GREM1: variants seen among roughly 807,000 people sequenced by gnomAD.
GREM1 encodes the protein gremlin-1.
In GREM1, 6 loss-of-function variants were observed where a neutral mutation model predicts 13.1. The observed-to-expected ratio is 0.46, with a 90% CI of 0.25 to 0.91. The LOEUF is 0.91. Among genes scored for constraint, GREM1 ranks in the 40% least tolerant of loss-of-function variants. The pLI, the probability that GREM1 is intolerant of heterozygous loss-of-function variation, is 0.18. For synonymous variants in GREM1, 98 were observed against 93.7 expected, an observed-to-expected ratio of 1.05 and a Z score of -0.27; for missense variants, 185 against 233.9, an observed-to-expected ratio of 0.79 and a Z score of 1.36.
rs568838511 is a variant in GREM1 at position 32,736,534 on chromosome 15, A to C, written c.*5289A>C. On this transcript the variant is annotated 3_prime_UTR_variant, in exon 2 of 2. Coordinates refer to ENST00000651154, the MANE Select transcript of GREM1 (RefSeq NM_013372.7). ...TAAGTAAAGGGAATGCAGAGTTGTC[A>C]ATTGCATGGCGGAGTGTTGAGTGTG... is the stretch of plus-strand genomic sequence containing the variant. 6.6e-6 allele frequency: 1 copy of C among 152,240 alleles called. No individual in the cohort carries two copies. Among genetic ancestry groups the C allele is most frequent in the African/African-American group, 2.4e-5 (1 of 41,538 alleles). 9.4% of individuals were successfully genotyped at this position (152,240 alleles called of 1,614,324 possible). A position where few individuals can be genotyped will look rare whatever the true frequency, so the allele number is the denominator to read the frequency against.
At position 32,741,383 on chromosome 15, in the gene GREM1, T is replaced by A. The variant is rs756458601; in HGVS notation, c.*10138T>A. The A allele has an allele frequency of 7.9e-5, 12 of 151,956 alleles. No homozygotes were observed. The highest frequency in any genetic ancestry group is 1.3e-4 in the Non-Finnish European group (9 of 67,966). 9.4% of individuals were successfully genotyped at this position (151,956 alleles called of 1,614,324 possible). A position where few individuals can be genotyped will look rare whatever the true frequency, so the allele number is the denominator to read the frequency against. ...CAGATCAAAGTACTGTAGTCTTCAG[T>A]ATGCAGACCTTTCACTTTCTTAGTT... On this transcript the variant is annotated 3_prime_UTR_variant, in exon 2 of 2. Transcript: ENST00000651154.
Position 32,718,158 on chromosome 15 carries a change from A to C in GREM1, c.-5A>C. 3 of 1,329,888 alleles carry C rather than the reference A, an allele frequency of 2.3e-6. No homozygotes were observed. Among genetic ancestry groups the C allele is most frequent in the Non-Finnish European group, 3.0e-6 (3 of 1,012,152 alleles). 82.4% of individuals were successfully genotyped at this position (1,329,888 alleles called of 1,614,324 possible). A position where few individuals can be genotyped will look rare whatever the true frequency, so the allele number is the denominator to read the frequency against. ...CAGGCCCCGAGGACCCGCCGCACTG[A>C]CAGGTGAGCGCGGACGCACCCGGCA... On this transcript the variant is annotated 5_prime_UTR_variant, in exon 1 of 2. Coordinates refer to ENST00000651154, the MANE Select transcript of GREM1 (RefSeq NM_013372.7).
chr15:32,727,744 A>G (rs903287336), intron 1 of GREM1, among the ~76,000 whole-genome samples: 12 of 152,210 alleles, frequency 7.9e-5, no homozygotes, highest in Non-Finnish European at 1.5e-5. Context: ...AGAAAACCCC[A>G]TCATCTCAGC....
At chr15:32,728,990 A>C (rs1230584124) in intron 1 of GREM1, among the ~76,000 whole-genome samples, 1 of 151,662 alleles carries the variant, frequency 6.6e-6, no homozygotes, top group African/African-American at 2.4e-5. Flanking sequence ...ATATCCCCAG[A>C]TATTGTCTGC....
Position 32,737,118 on chromosome 15 carries a change from T to C in GREM1, c.*5873T>C, listed in dbSNP as rs552362564. On this transcript the variant is annotated 3_prime_UTR_variant, in exon 2 of 2. Transcript: ENST00000651154. ...ATAGAGCTATCACAAGTAAAGAGAT[T>C]AAATAAGCAATCAAATAACTTCCCA... The C allele has an allele frequency of 1.3e-4, 20 of 152,306 alleles. No homozygotes were observed. The highest frequency in any genetic ancestry group is 4.6e-4 in the African/African-American group (19 of 41,584). 9.4% of individuals were successfully genotyped at this position (152,306 alleles called of 1,614,324 possible).
rs2055758823 is a variant in GREM1, at chr15:32,741,263, CAGAG to C, written c.*10020_*10023del. ...TTAGTGACAAATAAGGGGAACAGAA[CAGAG>C]AAAGTGATTTCAGCTATAAATATAG... On this transcript the variant is annotated 3_prime_UTR_variant, in exon 2 of 2. Transcript: ENST00000651154. 1 of 152,066 alleles carries C rather than the reference CAGAG, an allele frequency of 6.6e-6. No homozygotes were observed. Among genetic ancestry groups the C allele is most frequent in the Non-Finnish European group, 1.5e-5 (1 of 67,998 alleles). The allele number at this position is 152,066 out of a possible 1,614,324, so 9.4% of individuals were successfully genotyped here. A position where few individuals can be genotyped will look rare whatever the true frequency, so the allele number is the denominator to read the frequency against.
At chr15:32,720,134 T>TA (rs1433136390) in intron 1 of GREM1, among the ~76,000 whole-genome samples, 1 of 152,106 alleles carries the variant, frequency 6.6e-6, no homozygotes, top group Non-Finnish European at 1.5e-5. Context: ...TTGTAGGAAT[T>TA]AGAGTCTTTT....
Position 32,732,126 on chromosome 15 carries a change from C to T in GREM1, c.*881C>T, listed in dbSNP as rs772913890. 18 of 242,478 alleles carry T rather than the reference C, an allele frequency of 7.4e-5. No homozygotes were observed. The highest frequency in any genetic ancestry group is 1.5e-4 in the Non-Finnish European group (17 of 114,632). 15.0% of individuals were successfully genotyped at this position (242,478 alleles called of 1,614,324 possible). A position where few individuals can be genotyped will look rare whatever the true frequency, so the allele number is the denominator to read the frequency against. On this transcript the variant is annotated 3_prime_UTR_variant, in exon 2 of 2. Transcript: ENST00000651154. ...TAACACCAAACTGAAAACATAAATA[C>T]TGACCACTCCTATGTTCGGACCCAA...
rs2055714419 is a variant in GREM1, at chr15:32,737,920, C to A, written c.*6675C>A. On this transcript the variant is annotated 3_prime_UTR_variant, in exon 2 of 2. Coordinates refer to ENST00000651154, the MANE Select transcript of GREM1 (RefSeq NM_013372.7). ...TCCAGCCTGGGCAACAAGAACAAAA[C>A]TCTGTCTCAAAAAAAAAAAAAAAAA... The A allele has an allele frequency of 1.3e-5, 1 of 74,798 alleles. No homozygotes were observed. Among genetic ancestry groups the A allele is most frequent in the Non-Finnish European group, 2.7e-5 (1 of 37,602 alleles). The allele number at this position is 74,798 out of a possible 1,614,324, so 4.6% of individuals were successfully genotyped here. A position where few individuals can be genotyped will look rare whatever the true frequency, so the allele number is the denominator to read the frequency against.
rs371424691 is a variant in GREM1, at chr15:32,729,561, C to G, written c.-1-1129C>G. Among the ~76,000 whole-genome samples, 245 of 152,274 alleles carry G rather than the reference C, an allele frequency of 1.6e-3. 6 individuals carry two copies. The South Asian group carries it at 0.049, about 30-fold the overall frequency. On this transcript the variant is annotated intron_variant, in intron 1 of 1. Coordinates refer to ENST00000651154, the MANE Select transcript of GREM1 (RefSeq NM_013372.7). ...TCACTTCATTCATTCTTTTCTCTCT[C>G]TGTCTATGGTTTCCTATTTTTTGTC...
intron 1 of GREM1, among the ~76,000 whole-genome samples, chr15:32,721,685 C>T (rs1023678819): frequency 7.9e-5 from 12 of 151,906 alleles, no homozygotes; most frequent in Non-Finnish European, 1.5e-4. Context: ...GCCCAGGAGG[C>T]GGAGGTTGCA....
rs560450531 is a variant in GREM1 at position 32,736,269 on chromosome 15, C to T, written c.*5024C>T. 3.3e-5 allele frequency: 5 copies of T among 152,200 alleles called. No homozygotes were observed. The East Asian group carries it at 9.7e-4, about 29-fold the overall frequency. 9.4% of individuals were successfully genotyped at this position (152,200 alleles called of 1,614,324 possible). A position where few individuals can be genotyped will look rare whatever the true frequency, so the allele number is the denominator to read the frequency against. ...GGCAATTGATTCTCTTTGTGGCTGC[C>T]TGGGGTAATGTATAACAGTTGGGGA... On this transcript the variant is annotated 3_prime_UTR_variant, in exon 2 of 2. Transcript: ENST00000651154.
intron 1 of GREM1, chr15:32,718,495 C>T (rs1488499996): frequency 2.2e-6 from 1 of 462,034 alleles, no homozygotes; most frequent in Non-Finnish European, 4.3e-6. Context: ...GACGCGCCCG[C>T]TTAGCGAGGG....
Position 32,732,751 on chromosome 15 carries a change from A to G in GREM1, c.*1506A>G, listed in dbSNP as rs554003964. 6 of 232,246 alleles carry G rather than the reference A, an allele frequency of 2.6e-5. No individual in the cohort carries two copies. The highest frequency in any genetic ancestry group is 1.7e-4 in the Admixed American group (3 of 17,230). The allele number at this position is 232,246 out of a possible 1,614,324, so 14.4% of individuals were successfully genotyped here. A position where few individuals can be genotyped will look rare whatever the true frequency, so the allele number is the denominator to read the frequency against. On this transcript the variant is annotated 3_prime_UTR_variant, in exon 2 of 2. Coordinates refer to ENST00000651154, the MANE Select transcript of GREM1 (RefSeq NM_013372.7). ...TCTGATTAAACTTGGCCTACTGGCA[A>G]TGGCTACTTAGGATTGATCTAAGGG...
rs2140773637 is a variant in GREM1 at position 32,744,445 on chromosome 15, T to G, written c.*13200T>G. ...AAAATTAGCCGGGTGTGGTGGCAGG[T>G]GCCTGAAGTCCCAGCTACTCGGGAG... is the stretch of plus-strand genomic sequence containing the variant. On this transcript the variant is annotated 3_prime_UTR_variant, in exon 2 of 2. Coordinates refer to ENST00000651154, the MANE Select transcript of GREM1 (RefSeq NM_013372.7). The G allele has an allele frequency of 6.6e-6, 1 of 152,032 alleles. No homozygotes were observed. The highest frequency in any genetic ancestry group is 1.9e-4 in the East Asian group (1 of 5,136). 9.4% of individuals were successfully genotyped at this position (152,032 alleles called of 1,614,324 possible). A position where few individuals can be genotyped will look rare whatever the true frequency, so the allele number is the denominator to read the frequency against.
rs2055653384 is a variant in GREM1 at position 32,733,373 on chromosome 15, C to T, written c.*2128C>T. ...AAAAATGACATTCAGAACCAGCAAA[C>T]ACTGAATTTCTCTTGTTGTTTTAAC... On this transcript the variant is annotated 3_prime_UTR_variant, in exon 2 of 2. Coordinates refer to ENST00000651154, the MANE Select transcript of GREM1 (RefSeq NM_013372.7). The T allele has an allele frequency of 8.8e-6, 2 of 226,484 alleles. No homozygotes were observed. The highest frequency in any genetic ancestry group is 1.9e-4 in the South Asian group (1 of 5,348). The allele number at this position is 226,484 out of a possible 1,614,324, so 14.0% of individuals were successfully genotyped here. A position where few individuals can be genotyped will look rare whatever the true frequency, so the allele number is the denominator to read the frequency against.
chr15:32,744,482 G>C lies in GREM1; in HGVS notation c.*13237G>C, dbSNP rs1421409721. On this transcript the variant is annotated 3_prime_UTR_variant, in exon 2 of 2. Coordinates refer to ENST00000651154, the MANE Select transcript of GREM1 (RefSeq NM_013372.7). ...CAGCTACTCGGGAGGCTGAGGCAGG[G>C]GAATGGCGTGAACCCGGGAGACGGA... 6.6e-6 allele frequency: 1 copy of C among 151,486 alleles called. No homozygotes were observed. The highest frequency in any genetic ancestry group is 1.5e-5 in the Non-Finnish European group (1 of 67,978). The allele number at this position is 151,486 out of a possible 1,614,324, so 9.4% of individuals were successfully genotyped here. A position where few individuals can be genotyped will look rare whatever the true frequency, so the allele number is the denominator to read the frequency against.
chr15:32,738,107 A>AC lies in GREM1; in HGVS notation c.*6862_*6863insC, dbSNP rs2055723556. The AC allele has an allele frequency of 3.1e-5, 3 of 98,154 alleles. No individual in the cohort carries two copies. Among genetic ancestry groups the AC allele is most frequent in the Non-Finnish European group, 4.3e-5 (2 of 46,800 alleles). 6.1% of individuals were successfully genotyped at this position (98,154 alleles called of 1,614,324 possible). ...GCAAAAAAAAAAAAAAAAAAAAAAAAAAAAAAAAAAAAAAAAAAAAAAAAA... is the reference window on the plus strand; with the variant it reads ...GCAAAAAAAAAAAAAAAAAAAAAAAACAAAAAAAAAAAAAAAAAAAAAAAAA... On this transcript the variant is annotated 3_prime_UTR_variant, in exon 2 of 2. Transcript: ENST00000651154.
At chr15:32,723,643 C>T (rs2055450341) in intron 1 of GREM1, among the ~76,000 whole-genome samples, 1 of 148,136 alleles carries the variant, frequency 6.8e-6, no homozygotes, top group African/African-American at 2.5e-5. Flanking sequence ...AAAAAAAAAG[C>T]CTGTCTGTCA....
Sources: gnomAD v4.1 joint callset for allele counts (sites outside exome capture counted in the v4.1 genomes callset) on GRCh38, gnomAD v4.1.1 for gene constraint, MANE v1.5 for transcripts, NCBI Gene and HGNC (gene_info 2026-07-23, HGNC 2026-07-21) for gene names.